The following ZNF507 variants were observed in gnomAD, a reference collection of about 807,000 sequenced individuals.
ZNF507 encodes zinc finger protein 507.
Under a neutral mutation model 80.0 loss-of-function variants are expected in ZNF507, and 29 were observed. The observed-to-expected ratio is 0.36, with a 90% confidence interval of 0.27 to 0.49. The LOEUF (loss-of-function observed/expected upper bound fraction) is 0.49. Ranked by LOEUF, ZNF507 falls within the 20% of genes least tolerant of loss-of-function variation. ZNF507 has a pLI of 0.98. For missense variants in ZNF507, 1,081 were observed against 1,152.2 expected (o/e 0.94, Z 0.90); for synonymous variants, 462 against 422.5 (o/e 1.09, Z -1.15).
Position 32,356,723 on chromosome 19 carries a change from T to C in ZNF507, c.2235T>C (p.Cys745=). Residue 745 remains cysteine, a synonymous_variant, in exon 4 of 7, where the codon TGT becomes TGC. Transcript: ENST00000355898. The part of the protein sequence containing the change: ...RISSDTADGK[C]VQEGNKSSVQ... The stretch of plus-strand genomic sequence containing the variant: ...CCAGTGATACAGCTGATGGAAAATG[T>C]GTCCAGGAAGGTATCTATGTATTTT... The C allele has an allele frequency of 1.9e-6, 3 of 1,613,492 alleles. No homozygotes were observed. The highest frequency in any genetic ancestry group is 2.5e-6 in the Non-Finnish European group (3 of 1,179,402).
At chr19:32,381,839 G>C (rs1187893206) in intron 5 of ZNF507, among the ~76,000 whole-genome samples, 3 of 152,006 alleles carry the variant, frequency 2.0e-5, no homozygotes, top group Non-Finnish European at 4.4e-5. Flanking sequence ...AAACCTAAAG[G>C]CATCTAAAAA....
In ZNF507 at chr19:32,381,037, C is replaced by G. The variant is rs537894828; in HGVS notation, c.2361-1430C>G. Among the ~76,000 whole-genome samples, 3 of 152,224 alleles carry G rather than the reference C, an allele frequency of 2.0e-5. No individual in the cohort carries two copies. The East Asian group carries it at 5.8e-4, about 29-fold the overall frequency. ...ATTGTTCAGCAGGTGAGTGAACAAA[C>G]AAACTATGATACATCCACACAATGT... On this transcript the variant is annotated intron_variant, in intron 5 of 6. Transcript: ENST00000355898.
intron 3 of ZNF507, among the ~76,000 whole-genome samples, chr19:32,356,338 G>A (rs1475686284): frequency 2.0e-5 from 3 of 152,188 alleles, no homozygotes; most frequent in East Asian, 3.8e-4. Context: ...CAGTGTTTCA[G>A]TAAATACGGA....
rs1967652943 is a variant in ZNF507, at chr19:32,383,681, GAAAGGAAAGATCTCT to G, written c.*602_*616del. The G allele has an allele frequency of 6.6e-6, 1 of 152,140 alleles. No individual in the cohort carries two copies. Among genetic ancestry groups the G allele is most frequent in the East Asian group, 1.9e-4 (1 of 5,186 alleles). 9.4% of individuals were successfully genotyped at this position (152,140 alleles called of 1,614,324 possible). A position where few individuals can be genotyped will look rare whatever the true frequency, so the allele number is the denominator to read the frequency against. On this transcript the variant is annotated 3_prime_UTR_variant, in exon 7 of 7. Coordinates refer to ENST00000355898, the MANE Select transcript of ZNF507 (RefSeq NM_001136156.2). ...ACATGTTCCTTTACTCCTTAAAAAA[GAAAGGAAAGATCTCT>G]AAATTCAAAGCTAGATTGTAAATAG... is the stretch of plus-strand genomic sequence containing the variant.
In ZNF507 at chr19:32,385,015, GT is replaced by G. The variant is rs1967670732; in HGVS notation, c.*1938del. 6.6e-6 allele frequency: 1 copy of G among 150,982 alleles called. No individual in the cohort carries two copies. The highest frequency in any genetic ancestry group is 2.4e-5 in the African/African-American group (1 of 41,358). 9.4% of individuals were successfully genotyped at this position (150,982 alleles called of 1,614,324 possible). A position where few individuals can be genotyped will look rare whatever the true frequency, so the allele number is the denominator to read the frequency against. On this transcript the variant is annotated 3_prime_UTR_variant, in exon 7 of 7. Coordinates refer to ENST00000355898, the MANE Select transcript of ZNF507 (RefSeq NM_001136156.2). ...CTGTTGCCACTCATATTGTAAGTCA[GT>G]TTTTTCATTGCTGGTACAATGACTC...
At chr19:32,369,968 T>C (rs1967447770) in intron 5 of ZNF507, among the ~76,000 whole-genome samples, 1 of 152,202 alleles carries the variant, frequency 6.6e-6, no homozygotes, top group South Asian at 2.1e-4. Context: ...ATTGGATTTT[T>C]AAGTAAGATT....
intron 5 of ZNF507, among the ~76,000 whole-genome samples, chr19:32,374,169 A>AACACACACACAC (rs56820529): frequency 0.045 from 6,717 of 149,812 alleles, 456 homozygotes; most frequent in African/African-American, 0.14. Flanking sequence ...CAAAGCAAGG[A>AACACACACACAC]ACACACACAC....
intron 5 of ZNF507, 155 bp from the exon 6 acceptor site, chr19:32,382,312 A>G (rs1408894026): frequency 2.2e-6 from 2 of 900,622 alleles, no homozygotes; most frequent in African/African-American, 3.4e-5. Flanking sequence ...AAATCAGTGT[A>G]CCTCTTAGAA....
chr19:32,349,959 G>A (rs1415056025), intron 2 of ZNF507, among the ~76,000 whole-genome samples: 1 of 152,128 alleles, frequency 6.6e-6, no homozygotes, highest in African/African-American at 2.4e-5. Flanking sequence ...TGATCTCTTG[G>A]AGGCCAAGGA....
intron 5 of ZNF507, among the ~76,000 whole-genome samples, chr19:32,363,928 A>C (rs12460112): frequency 0.69 from 104,591 of 152,052 alleles, 36,224 homozygotes; most frequent in Middle Eastern, 0.74. Flanking sequence ...TGGGAGCATC[A>C]CAGGCCTGGA....
intron 2 of ZNF507, among the ~76,000 whole-genome samples, chr19:32,347,829 T>G (rs1206756946): frequency 2.6e-5 from 4 of 152,170 alleles, no homozygotes; most frequent in Non-Finnish European, 4.4e-5. Context: ...ACCTTATGTC[T>G]TCATTGCAGC....
At position 32,381,350 on chromosome 19, in the gene ZNF507, A is replaced by C. The variant is rs529966088; in HGVS notation, c.2361-1117A>C. On this transcript the variant is annotated intron_variant, in intron 5 of 6. Coordinates refer to ENST00000355898, the MANE Select transcript of ZNF507 (RefSeq NM_001136156.2). ...GCTGGGCATGGTGGCTCACACCTGT[A>C]ATCTCAGCACTTTGGGAGGCAGGTG... Among the ~76,000 whole-genome samples, 5 of 152,278 alleles carry C rather than the reference A, an allele frequency of 3.3e-5. No homozygotes were observed. In the South Asian group the frequency reaches 8.3e-4, roughly 25 times the overall value.
intron 3 of ZNF507, among the ~76,000 whole-genome samples, chr19:32,355,164 C>T (rs546609509): frequency 2.6e-4 from 40 of 152,122 alleles, no homozygotes; most frequent in Non-Finnish European, 5.7e-4. Context: ...TTTTCCCTGC[C>T]TGCTGCCTCC....
chr19:32,369,030 G>C (rs937886268), intron 5 of ZNF507, among the ~76,000 whole-genome samples: 1 of 152,218 alleles, frequency 6.6e-6, no homozygotes, highest in African/African-American at 2.4e-5. Context: ...TTCTGAGACC[G>C]AAGTAACTGA....
At chr19:32,355,111 A>C (rs150042189) in intron 3 of ZNF507, among the ~76,000 whole-genome samples, 154 bp downstream of exon 3, 208 of 152,332 alleles carry the variant, frequency 1.4e-3, no homozygotes, top group African/African-American at 4.7e-3. Flanking sequence ...CCAACTTACC[A>C]GTATTAAAGT....
At chr19:32,376,367 G>T (rs1319766921) in intron 5 of ZNF507, among the ~76,000 whole-genome samples, 1 of 152,046 alleles carries the variant, frequency 6.6e-6, no homozygotes, top group East Asian at 1.9e-4. Flanking sequence ...CCAAATCTTG[G>T]TTTCTGATAC....
At chr19:32,348,203 C>A (rs1967119686) in intron 2 of ZNF507, among the ~76,000 whole-genome samples, 1 of 152,120 alleles carries the variant, frequency 6.6e-6, no homozygotes, top group East Asian at 1.9e-4. Flanking sequence ...GCTTATGTCC[C>A]CTGCCTTCTT....
In ZNF507 at chr19:32,385,635, G is replaced by A. The variant is rs1162661195; in HGVS notation, c.*2552G>A. On this transcript the variant is annotated 3_prime_UTR_variant, in exon 7 of 7. Transcript: ENST00000355898. ...TTTAAGACCAGCCTGGGCAACACGG[G>A]GAGACCCTGTCTCTACAAGAAATTA... 3.9e-5 allele frequency: 6 copies of A among 152,156 alleles called. No individual in the cohort carries two copies. Among genetic ancestry groups the A allele is most frequent in the Non-Finnish European group, 2.9e-5 (2 of 68,038 alleles). 9.4% of individuals were successfully genotyped at this position (152,156 alleles called of 1,614,324 possible).
At chr19:32,356,490 C>G in intron 3 of ZNF507, 126 bp from the exon 4 acceptor site, 1 of 641,000 alleles carries the variant, frequency 1.6e-6, no homozygotes, top group South Asian at 2.1e-5. Flanking sequence ...CTTTAGCAGA[C>G]TTGATTTTAA....
Sources: allele counts gnomAD v4.1 joint callset (sites outside exome capture counted in the v4.1 genomes callset), GRCh38; gene constraint gnomAD v4.1.1; transcripts MANE v1.5; gene names NCBI Gene and HGNC (gene_info 2026-07-23, HGNC 2026-07-21).